Variants in DCAF8L2 observed in about 807,000 individuals in gnomAD.
DCAF8L2 encodes the protein DDB1- and CUL4-associated factor 8-like protein 2.
For synonymous variants in DCAF8L2, 200 were observed against 190.9 expected (o/e 1.05, Z -0.39); for missense variants, 430 against 490.7 (o/e 0.88, Z 1.17).
chrX:27,534,927 T>C, the DCAF8L2 span, among the ~76,000 whole-genome samples: 7 of 112,155 alleles, frequency 6.2e-5, no homozygotes, highest in East Asian at 2.8e-4. Context: ...GCTGTACATA[T>C]TATTTTTCTT....
the DCAF8L2 span, among the ~76,000 whole-genome samples, chrX:27,570,944 A>G: frequency 9.0e-6 from 1 of 111,140 alleles, no homozygotes; most frequent in Non-Finnish European, 1.9e-5. Context: ...CCAAAACCCA[A>G]TAAAACCTCT....
At chrX:27,642,499 A>T (rs1928775446) in intron 2 of DCAF8L2, among the ~76,000 whole-genome samples, 1 of 110,815 alleles carries the variant, frequency 9.0e-6, no homozygotes, top group Non-Finnish European at 1.9e-5. Flanking sequence ...TCTCACATGT[A>T]TGTTCTGATA....
At chrX:27,653,725 T>TACAC (rs34651746) in intron 2 of DCAF8L2, among the ~76,000 whole-genome samples, 12,686 of 91,877 alleles carry the variant, frequency 0.14, 738 homozygotes, top group Middle Eastern at 0.21. Flanking sequence ...CAGATATGTA[T>TACAC]ACACACACAC....
chrX:27,598,968 A>ATATAT (rs1555917067), intron 1 of DCAF8L2, among the ~76,000 whole-genome samples: 1 of 81,247 alleles, frequency 1.2e-5, no homozygotes, highest in African/African-American at 4.5e-5. Context: ...CTCAAAAAAA[A>ATATAT]AAAAAAATAT....
chrX:27,582,908 T>C, the DCAF8L2 span, among the ~76,000 whole-genome samples: 1 of 111,478 alleles, frequency 9.0e-6, no homozygotes, highest in Non-Finnish European at 1.9e-5. Context: ...GTTTCTCCAC[T>C]GTAAAGTTAA....
chrX:27,700,185 A>G (rs1001749194), intron 3 of DCAF8L2, among the ~76,000 whole-genome samples: 5 of 111,717 alleles, frequency 4.5e-5, no homozygotes, highest in Middle Eastern at 4.6e-3. Context: ...AACCCATCCA[A>G]TGAAAGATTG....
At chrX:27,702,480 G>C (rs1227673642) in intron 3 of DCAF8L2, among the ~76,000 whole-genome samples, 1 of 108,280 alleles carries the variant, frequency 9.2e-6, no homozygotes, top group Admixed American at 9.9e-5. Context: ...ACTGAATATA[G>C]AGCATAAAAA....
rs901731535 is a variant in DCAF8L2 at position 27,749,445 on chromosome X, G to A, written c.*654G>A. The stretch of plus-strand genomic sequence containing the variant: ...TACTATGTAGATTAATTCCTAACCA[G>A]ATAATTCATCTCCTTAGAATAAATA... On this transcript the variant is annotated 3_prime_UTR_variant, in exon 5 of 5. Transcript: ENST00000451261. 1.8e-5 allele frequency among the ~76,000 whole-genome samples: 2 copies of A among 111,962 alleles called. No homozygotes were observed. The highest frequency in any genetic ancestry group is 9.5e-5 in the Admixed American group (1 of 10,523).
At chrX:27,613,629 A>G (rs1253052714) in intron 1 of DCAF8L2, among the ~76,000 whole-genome samples, 1 of 111,393 alleles carries the variant, frequency 9.0e-6, no homozygotes, top group Non-Finnish European at 1.9e-5. Flanking sequence ...ATGGCCCATC[A>G]ATACCTAGTT....
the DCAF8L2 span, among the ~76,000 whole-genome samples, chrX:27,506,350 T>C: frequency 8.9e-6 from 1 of 111,945 alleles, no homozygotes; most frequent in African/African-American, 3.2e-5. Flanking sequence ...AGTGTAGAGA[T>C]ATTTTTCTTT....
At chrX:27,607,489 T>C (rs1926962213) in intron 1 of DCAF8L2, among the ~76,000 whole-genome samples, 1 of 111,830 alleles carries the variant, frequency 8.9e-6, no homozygotes, top group Non-Finnish European at 1.9e-5. Context: ...TTATTTTTCA[T>C]AGAGTCTTCT....
chrX:27,483,092 G>A, the DCAF8L2 span, among the ~76,000 whole-genome samples: 1 of 111,227 alleles, frequency 9.0e-6, no homozygotes, highest in African/African-American at 3.3e-5. Flanking sequence ...GCATTTACCC[G>A]AACGTCTTTA....
chrX:27,629,484 T>C (rs1928197554), intron 1 of DCAF8L2, among the ~76,000 whole-genome samples: 1 of 108,874 alleles, frequency 9.2e-6, no homozygotes, highest in Non-Finnish European at 1.9e-5. Context: ...TCTTTCTCCC[T>C]TCCTTCCTTT....
chrX:27,702,855 T>C (rs1931182462), intron 3 of DCAF8L2, among the ~76,000 whole-genome samples: 1 of 111,164 alleles, frequency 9.0e-6, no homozygotes, highest in Non-Finnish European at 1.9e-5. Flanking sequence ...GCCAGGGAAA[T>C]TAGGTAAGAA....
At chrX:27,692,949 C>T (rs368713979) in intron 3 of DCAF8L2, among the ~76,000 whole-genome samples, 25 of 111,380 alleles carry the variant, frequency 2.2e-4, no homozygotes, top group African/African-American at 8.2e-4. Flanking sequence ...TTGCCTGAAT[C>T]CCTGCAGAGT....
the DCAF8L2 span, among the ~76,000 whole-genome samples, chrX:27,556,445 A>T: frequency 1.8e-5 from 2 of 111,917 alleles, no homozygotes; most frequent in East Asian, 5.6e-4. Flanking sequence ...TTGCAAACTT[A>T]CTATCTGATT....
At chrX:27,718,641 G>GA (rs896529234) in intron 4 of DCAF8L2, among the ~76,000 whole-genome samples, 19 of 108,999 alleles carry the variant, frequency 1.7e-4, no homozygotes, top group East Asian at 2.9e-4. Context: ...GGCCTAAGTA[G>GA]AAAAAAAAAC....
At chrX:27,614,716 T>C (rs1160669999) in intron 1 of DCAF8L2, among the ~76,000 whole-genome samples, 1 of 111,752 alleles carries the variant, frequency 8.9e-6, no homozygotes, top group Admixed American at 9.5e-5. Context: ...ATGTACCCAG[T>C]AGTCATTCAG....
At chrX:27,636,311 TATA>T (rs1176679122) in intron 2 of DCAF8L2, among the ~76,000 whole-genome samples, 6 of 112,192 alleles carry the variant, frequency 5.3e-5, no homozygotes, top group Non-Finnish European at 9.4e-5. Flanking sequence ...GCATTTATTT[TATA>T]ATAACAATTT....
Sources: allele counts gnomAD v4.1 joint callset (sites outside exome capture counted in the v4.1 genomes callset), GRCh38; gene constraint gnomAD v4.1.1; transcripts MANE v1.5; gene names NCBI Gene and HGNC (gene_info 2026-07-23, HGNC 2026-07-21).